The following KLF12 variants were observed in gnomAD, a reference collection of about 807,000 sequenced individuals.
KLF12 encodes the protein KLF transcription factor 12.
Under a neutral mutation model 37.8 loss-of-function variants are expected in KLF12, and 9 were observed. The ratio of observed to expected loss-of-function variants is 0.24; its 90% CI spans 0.14 to 0.42. The LOEUF (loss-of-function observed/expected upper bound fraction) is 0.42, where lower values mean the gene tolerates loss of function less well. Ranked by LOEUF, KLF12 falls within the 10% of genes least tolerant of loss-of-function variation. The pLI is 1.00. For synonymous variants in KLF12, 208 were observed against 202.1 expected, an observed-to-expected ratio of 1.03 and a Z score of -0.25; for missense variants, 411 against 516.0, an observed-to-expected ratio of 0.80 and a Z score of 1.97.
chr13:74,219,176 G>C, the KLF12 span, among the ~76,000 whole-genome samples: 2 of 152,076 alleles, frequency 1.3e-5, no homozygotes, highest in Admixed American at 1.3e-4. Flanking sequence ...GGCTGGTCCT[G>C]AACTCCCGAC....
intron 3 of KLF12, among the ~76,000 whole-genome samples, chr13:73,849,924 C>T (rs564691073): frequency 6.6e-6 from 1 of 152,260 alleles, no homozygotes; most frequent in Non-Finnish European, 1.5e-5. Context: ...CATATTCATG[C>T]TAAAACCCTC....
chr13:73,900,693 G>A (rs910530929), intron 3 of KLF12, among the ~76,000 whole-genome samples: 4 of 151,486 alleles, frequency 2.6e-5, no homozygotes, highest in Non-Finnish European at 4.4e-5. Context: ...AATTGAAATT[G>A]CATTCTTGAA....
At chr13:73,793,217 A>T (rs1025663396) in intron 5 of KLF12, among the ~76,000 whole-genome samples, 1 of 152,216 alleles carries the variant, frequency 6.6e-6, no homozygotes, top group African/African-American at 2.4e-5. Context: ...CATTTATAGG[A>T]ATTTTAAACA....
chr13:74,028,952 T>C (rs1893046297), intron 1 of KLF12, among the ~76,000 whole-genome samples: 1 of 152,110 alleles, frequency 6.6e-6, no homozygotes, highest in African/African-American at 2.4e-5. Context: ...TAGTTAATAT[T>C]TACCATTGAG....
In KLF12 at chr13:73,693,990, C is replaced by T. The variant is rs902015254; in HGVS notation, c.*1500G>A. 3 of 152,594 alleles carry T rather than the reference C, an allele frequency of 2.0e-5. No individual in the cohort carries two copies. Among genetic ancestry groups the T allele is most frequent in the African/African-American group, 7.2e-5 (3 of 41,426 alleles). The allele number at this position is 152,594 out of a possible 1,614,324, so 9.5% of individuals were successfully genotyped here. On this transcript the variant is annotated 3_prime_UTR_variant, in exon 8 of 8. Coordinates refer to ENST00000377669, the MANE Select transcript of KLF12 (RefSeq NM_007249.5). The stretch of plus-strand genomic sequence containing the variant: ...TTTTATGGGGCTGATGGAACTAACA[C>T]CTTCCTCTCATCCTCTGCACAGGAT...
chr13:73,925,028 G>A (rs1889308249), intron 3 of KLF12, among the ~76,000 whole-genome samples: 1 of 152,186 alleles, frequency 6.6e-6, no homozygotes, highest in South Asian at 2.1e-4. Context: ...TAGCTCTAGA[G>A]CTTGGTTCAT....
At chr13:73,962,923 AC>A (rs1441516633) in intron 2 of KLF12, among the ~76,000 whole-genome samples, 1 of 152,214 alleles carries the variant, frequency 6.6e-6, no homozygotes, top group Non-Finnish European at 1.5e-5. Flanking sequence ...TTTTGAAGAA[AC>A]AGACCATTCT....
At chr13:73,860,382 T>C (rs767356063) in intron 3 of KLF12, among the ~76,000 whole-genome samples, 3 of 152,186 alleles carry the variant, frequency 2.0e-5, no homozygotes, top group African/African-American at 4.8e-5. Flanking sequence ...AAGCACTTAA[T>C]TAAAGCTCAT....
chr13:73,762,023 C>T (rs930935472), intron 6 of KLF12, among the ~76,000 whole-genome samples: 10 of 152,166 alleles, frequency 6.6e-5, no homozygotes, highest in Admixed American at 6.6e-4. Context: ...TGGCTTGCTA[C>T]CTTTAATTAA....
the KLF12 span, among the ~76,000 whole-genome samples, chr13:74,238,741 GT>G: frequency 2.6e-5 from 4 of 151,510 alleles, no homozygotes; most frequent in Admixed American, 2.6e-4. Context: ...GGTGTTTGTA[GT>G]ATTCTCTGAT....
At chr13:74,229,910 C>G in the KLF12 span, among the ~76,000 whole-genome samples, 4 of 152,304 alleles carry the variant, frequency 2.6e-5, no homozygotes, top group Non-Finnish European at 5.9e-5. Flanking sequence ...GTTTCCTTGG[C>G]TCTTCAAAGC....
At chr13:73,778,149 A>G (rs999028762) in intron 5 of KLF12, among the ~76,000 whole-genome samples, 3 of 151,800 alleles carry the variant, frequency 2.0e-5, no homozygotes, top group African/African-American at 7.2e-5. Flanking sequence ...AAAAATAAAA[A>G]AAGAAAACAA....
chr13:74,244,286 C>G, the KLF12 span, among the ~76,000 whole-genome samples: 5 of 152,212 alleles, frequency 3.3e-5, no homozygotes, highest in African/African-American at 7.2e-5. Flanking sequence ...TTATAAACTA[C>G]AGATGATCCT....
At chr13:74,291,853 AG>A in the KLF12 span, among the ~76,000 whole-genome samples, 1 of 152,230 alleles carries the variant, frequency 6.6e-6, no homozygotes, top group East Asian at 1.9e-4. Flanking sequence ...CAAATTCAGT[AG>A]CTAATATCAA....
Position 73,691,387 on chromosome 13 carries a change from T to C in KLF12, c.*4103A>G, listed in dbSNP as rs1298351656. The stretch of plus-strand genomic sequence containing the variant: ...AAGAGATTTGGTCAATGATGTTTTA[T>C]ACTAGAATACATTTACCTGCTAAGT... On this transcript the variant is annotated 3_prime_UTR_variant, in exon 8 of 8. Coordinates refer to ENST00000377669, the MANE Select transcript of KLF12 (RefSeq NM_007249.5). 6.6e-6 allele frequency: 1 copy of C among 152,660 alleles called. No individual in the cohort carries two copies. The highest frequency in any genetic ancestry group is 2.4e-5 in the African/African-American group (1 of 41,460). 9.5% of individuals were successfully genotyped at this position (152,660 alleles called of 1,614,324 possible). A position where few individuals can be genotyped will look rare whatever the true frequency, so the allele number is the denominator to read the frequency against.
intron 3 of KLF12, among the ~76,000 whole-genome samples, chr13:73,867,608 G>A (rs76403721): frequency 8.0e-5 from 12 of 150,706 alleles, no homozygotes; most frequent in South Asian, 2.1e-4. Context: ...AAGACAGGGG[G>A]AAAAAAAAAT....
intron 5 of KLF12, among the ~76,000 whole-genome samples, chr13:73,795,349 A>C (rs1881903466): frequency 6.6e-6 from 1 of 152,226 alleles, no homozygotes; most frequent in Non-Finnish European, 1.5e-5. Context: ...ATGGACACCA[A>C]AGGAAATGCC....
chr13:73,907,193 A>G (rs1888341028), intron 3 of KLF12, among the ~76,000 whole-genome samples: 1 of 152,150 alleles, frequency 6.6e-6, no homozygotes, highest in Non-Finnish European at 1.5e-5. Flanking sequence ...TCTCCATTAT[A>G]AAATATATGA....
At chr13:73,710,863 C>T (rs938797289) in intron 7 of KLF12, among the ~76,000 whole-genome samples, 10 of 152,154 alleles carry the variant, frequency 6.6e-5, no homozygotes, top group African/African-American at 2.2e-4. Context: ...TCAGGCACTT[C>T]GAAAGCTGAG....
Sources: gnomAD v4.1 joint callset for allele counts (sites outside exome capture counted in the v4.1 genomes callset) on GRCh38, gnomAD v4.1.1 for gene constraint, MANE v1.5 for transcripts, NCBI Gene and HGNC (gene_info 2026-07-23, HGNC 2026-07-21) for gene names.